Variants in TRPC4AP observed in about 807,000 individuals in gnomAD.
TRPC4AP encodes the protein short transient receptor potential channel 4-associated protein.
A neutral mutation model predicts 99.0 loss-of-function variants in TRPC4AP; 45 were observed. That is an observed-to-expected ratio of 0.45 (90% confidence interval 0.36 to 0.58). The LOEUF is 0.58. Among genes scored for constraint, TRPC4AP ranks in the 20% least tolerant of loss-of-function variants. The probability of loss-of-function intolerance (pLI) is 0.00; values close to 1 mark genes in which losing one functional copy is unlikely to be tolerated. For missense variants in TRPC4AP, 879 were observed against 985.3 expected, an observed-to-expected ratio of 0.89 and a Z score of 1.44; for synonymous variants, 408 against 385.8, an observed-to-expected ratio of 1.06 and a Z score of -0.67.
At chr20:35,091,145 C>T (rs2085052293) in intron 1 of TRPC4AP, among the ~76,000 whole-genome samples, 1 of 151,794 alleles carries the variant, frequency 6.6e-6, no homozygotes, top group Non-Finnish European at 1.5e-5. Flanking sequence ...CAGGCACACA[C>T]CACCACCATG....
At chr20:35,004,066 G>C (rs1301712822) in intron 17 of TRPC4AP, among the ~76,000 whole-genome samples, 2 of 152,192 alleles carry the variant, frequency 1.3e-5, no homozygotes, top group Admixed American at 6.5e-5. Flanking sequence ...GACCACCTCT[G>C]AGAGGTGCTA....
chr20:35,067,711 T>C (rs2084179377), intron 3 of TRPC4AP, among the ~76,000 whole-genome samples: 1 of 152,104 alleles, frequency 6.6e-6, no homozygotes, highest in Non-Finnish European at 1.5e-5. Flanking sequence ...ACAACACAGA[T>C]GAATCTAGAA....
intron 12 of TRPC4AP, 121 bp downstream of exon 12, chr20:35,010,066 G>T: frequency 1.3e-6 from 1 of 743,990 alleles, no homozygotes; most frequent in Non-Finnish European, 2.3e-6. Context: ...GAGCCCTCAG[G>T]ACACTGTAGC....
At chr20:35,044,380 A>C (rs2083508264) in intron 7 of TRPC4AP, 125 bp downstream of exon 7, 10 of 968,522 alleles carry the variant, frequency 1.0e-5, no homozygotes, top group Non-Finnish European at 1.5e-5. Context: ...TGACATAGTG[A>C]CGATCCCATC....
intron 7 of TRPC4AP, among the ~76,000 whole-genome samples, chr20:35,043,937 T>C (rs2083498616): frequency 6.6e-6 from 1 of 152,216 alleles, no homozygotes; most frequent in Admixed American, 6.5e-5. Flanking sequence ...AAAAAGTATA[T>C]GCATTTGTAA....
At chr20:35,003,374 G>A (rs759872384) in intron 18 of TRPC4AP, 36 bp downstream of exon 18, 33 of 1,583,050 alleles carry the variant, frequency 2.1e-5, no homozygotes, top group Non-Finnish European at 2.7e-5. Flanking sequence ...TGGGTCCGCG[G>A]CCCACCCATC....
At chr20:35,069,902 C>A (rs1006834175) in intron 2 of TRPC4AP, among the ~76,000 whole-genome samples, 4 of 152,120 alleles carry the variant, frequency 2.6e-5, no homozygotes, top group Non-Finnish European at 5.9e-5. Context: ...CATAGAGCCA[C>A]TGCACTCCAG....
chr20:35,080,398 G>A (rs2084604589), intron 1 of TRPC4AP, among the ~76,000 whole-genome samples: 1 of 152,048 alleles, frequency 6.6e-6, no homozygotes, highest in South Asian at 2.1e-4. Flanking sequence ...CTACTCGGGA[G>A]GCTGAGGTGG....
rs551543953 is a variant in TRPC4AP, at chr20:35,056,853, G to A, written c.472+661C>T. On this transcript the variant is annotated intron_variant, in intron 4 of 18. Coordinates refer to ENST00000252015, the MANE Select transcript of TRPC4AP (RefSeq NM_015638.3). Reference sequence around the variant, plus strand: ...ATACAAAAATTAGCCGGGTATGGTGGTGGGCGCCTGTAATCCCAGCTACTT... The same window carrying A: ...ATACAAAAATTAGCCGGGTATGGTGATGGGCGCCTGTAATCCCAGCTACTT... Among the ~76,000 whole-genome samples, 5 of 151,782 alleles carry A rather than the reference G, an allele frequency of 3.3e-5. No homozygotes were observed. The South Asian group carries it at 1.0e-3, about 32-fold the overall frequency.
At chr20:35,014,845 T>C (rs967851190) in intron 10 of TRPC4AP, among the ~76,000 whole-genome samples, 1 of 151,380 alleles carries the variant, frequency 6.6e-6, no homozygotes, top group African/African-American at 2.4e-5. Flanking sequence ...GGGGAAAGAG[T>C]ATTATCCTTC....
At position 35,086,533 on chromosome 20, in the gene TRPC4AP, G is replaced by GTATATATATATGTGTATATATA. The variant is rs1308760481; in HGVS notation, c.168+6080_168+6081insTATATATACACATATATATATA. ...TGTGTGTGTGTGTATATATGTGTGT[G>GTATATATATATGTGTATATATA]TGTGTGTGTGTGTGTGTGTGTGTGT... is the stretch of plus-strand genomic sequence containing the variant. On this transcript the variant is annotated intron_variant, in intron 1 of 18. Coordinates refer to ENST00000252015, the MANE Select transcript of TRPC4AP (RefSeq NM_015638.3). Among the ~76,000 whole-genome samples, 100 of 73,482 alleles carry GTATATATATATGTGTATATATA rather than the reference G, an allele frequency of 1.4e-3. 20 individuals are homozygous for GTATATATATATGTGTATATATA. The highest frequency in any genetic ancestry group is 5.6e-3 in the Middle Eastern group (1 of 180). The allele number at this position is 73,482 out of a possible 152,430, so 48.2% of individuals were successfully genotyped here.
chr20:35,004,685 A>C (rs568001403), intron 16 of TRPC4AP, 115 bp from the exon 17 acceptor site: 1 of 803,468 alleles, frequency 1.2e-6, no homozygotes, highest in South Asian at 1.6e-5. Context: ...GCTCATCATC[A>C]AAACAGCTTC....
intron 1 of TRPC4AP, among the ~76,000 whole-genome samples, chr20:35,089,144 C>CAA (rs1311409566): frequency 1.3e-5 from 2 of 151,774 alleles, no homozygotes; most frequent in Non-Finnish European, 2.9e-5. Flanking sequence ...GTTGGGATTA[C>CAA]AGGTGTAAGC....
At chr20:35,011,287 A>T (rs6120790) in intron 11 of TRPC4AP, among the ~76,000 whole-genome samples, 29,117 of 152,102 alleles carry the variant, frequency 0.19, 2,884 homozygotes, top group Middle Eastern at 0.34. Flanking sequence ...AAACACATTT[A>T]ATATATCTAA....
intron 8 of TRPC4AP, among the ~76,000 whole-genome samples, chr20:35,032,288 G>A (rs1016453397): frequency 2.0e-5 from 3 of 152,100 alleles, no homozygotes; most frequent in African/African-American, 7.2e-5. Flanking sequence ...GCCTCCCAAA[G>A]TGCTGGGATT....
Position 35,057,535 on chromosome 20 carries a change from T to C in TRPC4AP, c.451A>G (p.Ile151Val), listed in dbSNP as rs140817919. 3 of 1,612,828 alleles carry C rather than the reference T, an allele frequency of 1.9e-6. No individual in the cohort carries two copies. The highest frequency in any genetic ancestry group is 1.7e-6 in the Non-Finnish European group (2 of 1,179,204). Residue 151 changes from isoleucine (I) to valine (V), a missense_variant, in exon 4 of 19, where the codon ATC becomes GTC. By Grantham distance (29) the Ile-to-Val change is conservative (BLOSUM62 3). Transcript: ENST00000252015. ...VEILMRPTIS[I>V]RGQKLKISDE... ...TTACTTTTCAGTTTCTGTCCCCGGATAGAGATCGTAGGCCTCATAAGAATT... is the reference window on the plus strand; with the variant it reads ...TTACTTTTCAGTTTCTGTCCCCGGACAGAGATCGTAGGCCTCATAAGAATT...
chr20:35,086,028 C>A (rs781066642), intron 1 of TRPC4AP, among the ~76,000 whole-genome samples: 1 of 152,000 alleles, frequency 6.6e-6, no homozygotes, highest in African/African-American at 2.4e-5. Flanking sequence ...ATCCTCCCAC[C>A]TCAGCCCTGC....
intron 3 of TRPC4AP, among the ~76,000 whole-genome samples, chr20:35,058,353 A>AC (rs1297397023): frequency 2.6e-5 from 4 of 152,352 alleles, no homozygotes; most frequent in Middle Eastern, 3.4e-3. Flanking sequence ...AACAGAGTAT[A>AC]CATTCTACTC....
chr20:35,058,313 A>G (rs1264267430), intron 3 of TRPC4AP, among the ~76,000 whole-genome samples: 1 of 152,264 alleles, frequency 6.6e-6, no homozygotes, highest in East Asian at 1.9e-4. Flanking sequence ...ATATTCTAAC[A>G]GACATCTACA....
Sources: allele counts gnomAD v4.1 joint callset (sites outside exome capture counted in the v4.1 genomes callset), GRCh38; gene constraint gnomAD v4.1.1; transcripts MANE v1.5; gene names NCBI Gene and HGNC (gene_info 2026-07-23, HGNC 2026-07-21).